ZNF527: variants seen among roughly 807,000 people sequenced by gnomAD.
The protein encoded by ZNF527 is zinc finger protein 527.
A neutral mutation model predicts 13.5 loss-of-function variants in ZNF527; 5 were observed. The observed-to-expected ratio is 0.37, with a 90% CI of 0.19 to 0.78. The LOEUF is 0.78. Ranked by LOEUF, ZNF527 falls within the 30% of genes least tolerant of loss-of-function variation. The probability of loss-of-function intolerance (pLI) is 0.48; values close to 1 mark genes in which losing one functional copy is unlikely to be tolerated. For missense variants in ZNF527, 628 were observed against 726.4 expected, an observed-to-expected ratio of 0.86 and a Z score of 1.56; for synonymous variants, 209 against 243.1, an observed-to-expected ratio of 0.86 and a Z score of 1.30.
At position 37,388,641 on chromosome 19, in the gene ZNF527, A is replaced by C; in HGVS notation, c.592A>C (p.Lys198Gln). 6.2e-7 allele frequency: 1 copy of C among 1,613,688 alleles called. No individual in the cohort carries two copies. Among genetic ancestry groups the C allele is most frequent in the Non-Finnish European group, 8.5e-7 (1 of 1,179,874 alleles). Residue 198 changes from lysine (K) to glutamine (Q), a missense_variant, in exon 5 of 5, where the codon AAA becomes CAA. Physicochemically the swap from Lys to Gln is moderately conservative, Grantham distance 53 (BLOSUM62 1). Coordinates refer to ENST00000436120, the MANE Select transcript of ZNF527 (RefSeq NM_032453.2). ...AGTACATAAATTTGATATTTATGAT[A>C]AACTCTTCCCCCAAAATTCAGTCAT... ...QQVHKFDIYDKLFPQNSVIIE... is the reference protein window; with the variant it reads ...QQVHKFDIYDQLFPQNSVIIE...
rs1568691367 is a variant in ZNF527 at position 37,375,286 on chromosome 19, CTTTCTTTCTTTCTTTCTTTCTTTCT to C, written c.33+1083_33+1107del. Among the ~76,000 whole-genome samples the C allele has an allele frequency of 3.3e-4, 41 of 122,678 alleles. 1 individual carries two copies. The highest frequency in any genetic ancestry group is 2.1e-3 in the East Asian group (9 of 4,210). 80.5% of individuals were successfully genotyped at this position (122,678 alleles called of 152,430 possible). On this transcript the variant is annotated intron_variant, in intron 2 of 4. Transcript: ENST00000436120. ...TCTTTCTTTCTTTCTTTCTTTCTTTCTTTCTTTCTTTCTTTCTTTCTTTCTTTTCTTTCTTTCTTTCTTTCTTTCT... is the reference window on the plus strand; with the variant it reads ...TCTTTCTTTCTTTCTTTCTTTCTTTCTTTCTTTCTTTCTTTCTTTCTTTCT...
intron 1 of ZNF527, among the ~76,000 whole-genome samples, chr19:37,373,390 G>A (rs1157269008): frequency 2.6e-5 from 4 of 152,292 alleles, no homozygotes; most frequent in Admixed American, 1.3e-4. Context: ...CACAGCATGA[G>A]TTAACATTGT....
At chr19:37,380,175 A>T in intron 3 of ZNF527, 102 bp from the exon 4 acceptor site, 1 of 1,507,134 alleles carries the variant, frequency 6.6e-7, no homozygotes, top group Non-Finnish European at 8.9e-7. Context: ...TTGCCTGATG[A>T]TCAAGATATT....
rs1385982633 is a variant in ZNF527 at position 37,379,463 on chromosome 19, T to TTC, written c.160+218_160+219insCT. ...TTCTGAACACATGAAGTAATTTCTT[T>TTC]TTTTTTTTTTTTTTTTGAGACAGAG... On this transcript the variant is annotated intron_variant, in intron 3 of 4. Coordinates refer to ENST00000436120, the MANE Select transcript of ZNF527 (RefSeq NM_032453.2). 24 of 250,684 alleles carry TTC rather than the reference T, an allele frequency of 9.6e-5. No individual in the cohort carries two copies. The East Asian group carries it at 2.1e-3, about 21-fold the overall frequency. The allele number at this position is 250,684 out of a possible 1,614,324, so 15.5% of individuals were successfully genotyped here. A position where few individuals can be genotyped will look rare whatever the true frequency, so the allele number is the denominator to read the frequency against.
At chr19:37,386,662 CT>C (rs1378566256) in intron 4 of ZNF527, among the ~76,000 whole-genome samples, 2 of 152,174 alleles carry the variant, frequency 1.3e-5, no homozygotes, top group African/African-American at 4.8e-5. Flanking sequence ...GGGATCCAAT[CT>C]GTAAGTCTAT....
In ZNF527 at chr19:37,388,629, G is replaced by A. The variant is rs532320672; in HGVS notation, c.580G>A (p.Asp194Asn). 1 of 1,613,264 alleles carries A rather than the reference G, an allele frequency of 6.2e-7. No homozygotes were observed. Among genetic ancestry groups the A allele is most frequent in the South Asian group, 1.1e-5 (1 of 90,936 alleles). ...VPTIQQVHKF[D>N]IYDKLFPQNS... ...TACCATACAGCAAGTACATAAATTT[G>A]ATATTTATGATAAACTCTTCCCCCA... The change falls in exon 5 of 5, where the codon GAT becomes AAT. Residue 194 changes from aspartate (D) to asparagine (N), a missense_variant. Physicochemically the swap from Asp to Asn is conservative, Grantham distance 23. Around this residue, in one of 3 missense-constraint regions of ZNF527, gnomAD observed 592 missense variants for 678.0 expected, o/e 0.87. Coordinates refer to ENST00000436120, the MANE Select transcript of ZNF527 (RefSeq NM_032453.2).
chr19:37,381,553 G>A (rs1460902043), intron 4 of ZNF527, among the ~76,000 whole-genome samples: 4 of 152,028 alleles, frequency 2.6e-5, no homozygotes, highest in Non-Finnish European at 4.4e-5. Flanking sequence ...TCTTATTATC[G>A]GTGATGTTAA....
Position 37,389,695 on chromosome 19 carries a change from C to G in ZNF527, c.1646C>G (p.Thr549Ser). Residue 549 changes from threonine to serine, a missense_variant, in exon 5 of 5, where the codon ACT becomes AGT. Thr to Ser is a moderately conservative substitution (Grantham distance 58). This residue lies in a region of ZNF527 where 592 missense variants were observed against 678.0 expected (regional missense o/e 0.87). Coordinates refer to ENST00000436120, the MANE Select transcript of ZNF527 (RefSeq NM_032453.2). ...CTTAATCAACATCAAAGAATTCATA[C>G]TGGAGAGAAACCCTATGAATGTAGT... is the stretch of plus-strand genomic sequence containing the variant. ...SYLNQHQRIH[T>S]GEKPYECSEC... 6.2e-7 allele frequency: 1 copy of G among 1,614,088 alleles called. No individual in the cohort carries two copies. Among genetic ancestry groups the G allele is most frequent in the Non-Finnish European group, 8.5e-7 (1 of 1,180,006 alleles).
At chr19:37,383,038 A>T (rs1377529320) in intron 4 of ZNF527, among the ~76,000 whole-genome samples, 1 of 152,100 alleles carries the variant, frequency 6.6e-6, no homozygotes, top group African/African-American at 2.4e-5. Flanking sequence ...GAATTGCTAC[A>T]TTCCCCTCCA....
chr19:37,388,354 T>C lies in ZNF527; in HGVS notation c.305T>C (p.Ile102Thr), dbSNP rs748814100. Residue 102 changes from isoleucine (I) to threonine (T), a missense_variant, in exon 5 of 5, where the codon ATT (isoleucine) becomes ACT (threonine). By Grantham distance (89) the Ile-to-Thr change is moderately conservative. Coordinates refer to ENST00000436120, the MANE Select transcript of ZNF527 (RefSeq NM_032453.2). The part of the protein sequence containing the change: ...EIEELSPKWF[I>T]DEDEISQEMV... ...GAGGAATTATCTCCAAAATGGTTCA[T>C]TGATGAAGATGAAATATCCCAGGAG... is the stretch of plus-strand genomic sequence containing the variant. 1.6e-5 allele frequency: 26 copies of C among 1,613,962 alleles called. No individual in the cohort carries two copies. Among genetic ancestry groups the C allele is most frequent in the African/African-American group, 2.7e-5 (2 of 74,926 alleles).
intron 3 of ZNF527, chr19:37,379,664 T>G (rs759374958): frequency 3.9e-5 from 6 of 155,310 alleles, no homozygotes; most frequent in Non-Finnish European, 8.6e-5. Context: ...GGTTTCTCCA[T>G]GTTGGCCAAG....
chr19:37,378,104 C>T (rs1432008199), intron 2 of ZNF527, among the ~76,000 whole-genome samples: 3 of 151,488 alleles, frequency 2.0e-5, no homozygotes, highest in Non-Finnish European at 2.9e-5. Context: ...AATCTTGGCT[C>T]CCTGCAGCCT....
At chr19:37,380,671 C>G (rs1199534603) in intron 4 of ZNF527, among the ~76,000 whole-genome samples, 1 of 151,954 alleles carries the variant, frequency 6.6e-6, no homozygotes, top group African/African-American at 2.4e-5. Flanking sequence ...TCAGAATTAT[C>G]AAAGATATGT....
intron 4 of ZNF527, chr19:37,385,120 G>T: frequency 2.2e-6 from 1 of 459,618 alleles, no homozygotes; most frequent in Non-Finnish European, 3.9e-6. Flanking sequence ...TTCCACTTTT[G>T]GAGAATTAGA....
chr19:37,375,310 C>CT (rs370921705), intron 2 of ZNF527, among the ~76,000 whole-genome samples: 1 of 55,780 alleles, frequency 1.8e-5, no homozygotes, highest in Non-Finnish European at 3.4e-5. Flanking sequence ...TTCTTTCTTT[C>CT]TTTTCTTTCT....
Position 37,389,977 on chromosome 19 carries a change from A to C in ZNF527, c.*98A>C. On this transcript the variant is annotated 3_prime_UTR_variant, in exon 5 of 5. Transcript: ENST00000436120. ...GTTAGTAATTCTTTGAATGTAGTTCATATTTCAGTTCATGAGTATCCGTTA... is the reference window on the plus strand; with the variant it reads ...GTTAGTAATTCTTTGAATGTAGTTCCTATTTCAGTTCATGAGTATCCGTTA... 3 of 1,428,742 alleles carry C rather than the reference A, an allele frequency of 2.1e-6. No homozygotes were observed. The allele number at this position is 1,428,742 out of a possible 1,614,324, so 88.5% of individuals were successfully genotyped here.
rs760003304 is a variant in ZNF527, at chr19:37,375,311, T to TTTCTTTGTTTTCTTTCTTTC, written c.33+1082_33+1083insCTTTGTTTTCTTTCTTTCTT. On this transcript the variant is annotated intron_variant, in intron 2 of 4. Coordinates refer to ENST00000436120, the MANE Select transcript of ZNF527 (RefSeq NM_032453.2). ...CTTTCTTTCTTTCTTTCTTTCTTTC[T>TTTCTTTGTTTTCTTTCTTTC]TTTCTTTCTTTCTTTCTTTCTTTCT... is the stretch of plus-strand genomic sequence containing the variant. Among the ~76,000 whole-genome samples, 4 of 79,796 alleles carry TTTCTTTGTTTTCTTTCTTTC rather than the reference T, an allele frequency of 5.0e-5. 1 individual carries two copies. Among genetic ancestry groups the TTTCTTTGTTTTCTTTCTTTC allele is most frequent in the African/African-American group, 2.3e-4 (4 of 17,750 alleles). 52.3% of individuals were successfully genotyped at this position (79,796 alleles called of 152,430 possible). A position where few individuals can be genotyped will look rare whatever the true frequency, so the allele number is the denominator to read the frequency against.
At chr19:37,383,360 C>T (rs1401035941) in intron 4 of ZNF527, among the ~76,000 whole-genome samples, 2 of 151,924 alleles carry the variant, frequency 1.3e-5, no homozygotes, top group South Asian at 2.1e-4. Flanking sequence ...CTCAGCCTCC[C>T]GAGTAGCTGG....
rs1280782002 is a variant in ZNF527, at chr19:37,391,708, T to C, written c.*1829T>C. 5 of 152,128 alleles carry C rather than the reference T, an allele frequency of 3.3e-5. No individual in the cohort carries two copies. Among genetic ancestry groups the C allele is most frequent in the Admixed American group, 6.5e-5 (1 of 15,274 alleles). 9.4% of individuals were successfully genotyped at this position (152,128 alleles called of 1,614,324 possible). ...GAAAGAATGAGTCATTTTTAACAAA[T>C]GGTAAAAGTAAAGCAGTTAATGCCT... On this transcript the variant is annotated 3_prime_UTR_variant, in exon 5 of 5. Transcript: ENST00000436120.
Sources: allele counts gnomAD v4.1 joint callset (sites outside exome capture counted in the v4.1 genomes callset), GRCh38; gene constraint gnomAD v4.1.1; regional missense constraint gnomAD v4.1.1; transcripts MANE v1.5; gene names NCBI Gene and HGNC (gene_info 2026-07-23, HGNC 2026-07-21).